Variants in CCDC178 observed in about 807,000 individuals in gnomAD.
CCDC178 encodes the protein coiled-coil domain-containing protein 178.
CCDC178 carries 126 observed loss-of-function variants against 117.4 expected under a neutral mutation model. That is an observed-to-expected ratio of 1.07 (90% confidence interval 0.93 to 1.24). The LOEUF is 1.24. Ranked by LOEUF, CCDC178 falls within the 50% of genes most tolerant of loss-of-function variation. The pLI, the probability that CCDC178 is intolerant of heterozygous loss-of-function variation, is 0.00. For missense variants in CCDC178, 1,030 were observed against 986.9 expected (o/e 1.04, Z -0.59); for synonymous variants, 283 against 313.4 (o/e 0.90, Z 1.02).
At chr18:33,438,735 T>C (rs2064329632) in intron 2 of CCDC178, among the ~76,000 whole-genome samples, 1 of 152,134 alleles carries the variant, frequency 6.6e-6, no homozygotes, top group Non-Finnish European at 1.5e-5. Flanking sequence ...TCAATACAAA[T>C]TCTTCGTCTA....
intron 21 of CCDC178, among the ~76,000 whole-genome samples, chr18:33,075,574 T>G (rs2057191026): frequency 6.6e-6 from 1 of 152,162 alleles, no homozygotes; most frequent in Non-Finnish European, 1.5e-5. Context: ...AAATAAAAAT[T>G]TTTAAACAAG....
At chr18:33,275,981 A>C (rs1483448957) in intron 12 of CCDC178, among the ~76,000 whole-genome samples, 1 of 151,822 alleles carries the variant, frequency 6.6e-6, no homozygotes, top group Non-Finnish European at 1.5e-5. Flanking sequence ...AAGATTACTA[A>C]ATGTAAACTG....
chr18:33,185,112 G>GC (rs1453558698), intron 20 of CCDC178, among the ~76,000 whole-genome samples: 5 of 151,850 alleles, frequency 3.3e-5, no homozygotes, highest in African/African-American at 1.2e-4. Context: ...TGACTCCTTA[G>GC]CCCCCTCTTC....
At chr18:33,016,341 C>A (rs1234154311) in intron 21 of CCDC178, among the ~76,000 whole-genome samples, 1 of 151,644 alleles carries the variant, frequency 6.6e-6, no homozygotes. Context: ...AAAAACAAAA[C>A]AGATTTTGTT....
intron 20 of CCDC178, among the ~76,000 whole-genome samples, chr18:33,175,459 A>G (rs2058653910): frequency 6.6e-6 from 1 of 151,946 alleles, no homozygotes; most frequent in Non-Finnish European, 1.5e-5. Flanking sequence ...CTCCCGCCTC[A>G]GCCTCCCAGT....
intron 12 of CCDC178, among the ~76,000 whole-genome samples, chr18:33,279,118 G>A (rs2059989861): frequency 6.6e-6 from 1 of 152,092 alleles, no homozygotes; most frequent in South Asian, 2.1e-4. Context: ...AATGAGGCAG[G>A]AGAAGGAAAT....
At chr18:33,373,799 C>T (rs959511263) in intron 5 of CCDC178, among the ~76,000 whole-genome samples, 1 of 152,070 alleles carries the variant, frequency 6.6e-6, no homozygotes, top group Non-Finnish European at 1.5e-5. Flanking sequence ...AAACTTTTTA[C>T]CTGGCTGTAA....
At chr18:33,023,793 A>G (rs538604947) in intron 21 of CCDC178, among the ~76,000 whole-genome samples, 2 of 152,292 alleles carry the variant, frequency 1.3e-5, no homozygotes, top group Admixed American at 6.5e-5. Context: ...ATATATCTCT[A>G]TCTTCAATAT....
At chr18:33,435,235 A>C (rs1040212883) in intron 2 of CCDC178, among the ~76,000 whole-genome samples, 2 of 152,156 alleles carry the variant, frequency 1.3e-5, no homozygotes, top group Admixed American at 1.3e-4. Context: ...TGTCATAGCC[A>C]CTAGCCATAT....
At chr18:33,291,566 A>T (rs2060166074) in intron 12 of CCDC178, among the ~76,000 whole-genome samples, 1 of 152,324 alleles carries the variant, frequency 6.6e-6, no homozygotes. Context: ...GCAAATTGGC[A>T]TAATAATTTA....
chr18:33,063,103 C>T (rs1321386967), intron 21 of CCDC178, among the ~76,000 whole-genome samples: 1 of 152,160 alleles, frequency 6.6e-6, no homozygotes, highest in Non-Finnish European at 1.5e-5. Flanking sequence ...GAAACCAGCC[C>T]ACCAGCCAGG....
intron 18 of CCDC178, among the ~76,000 whole-genome samples, chr18:33,215,941 T>C (rs938386639): frequency 6.6e-6 from 1 of 151,830 alleles, no homozygotes; most frequent in African/African-American, 2.4e-5. Flanking sequence ...TACCCAAAAT[T>C]TTTTTAAATA....
chr18:33,066,268 A>C (rs1346745468), intron 21 of CCDC178, among the ~76,000 whole-genome samples: 1 of 152,188 alleles, frequency 6.6e-6, no homozygotes, highest in Non-Finnish European at 1.5e-5. Context: ...GGAATCCTAC[A>C]TCTGAAAGTA....
At chr18:33,410,984 G>C (rs2063843076) in intron 3 of CCDC178, among the ~76,000 whole-genome samples, 1 of 152,196 alleles carries the variant, frequency 6.6e-6, no homozygotes, top group Non-Finnish European at 1.5e-5. Context: ...CAAGACCCTA[G>C]ACCTGTAAAC....
At chr18:33,137,492 C>A (rs1430102364) in intron 20 of CCDC178, among the ~76,000 whole-genome samples, 1 of 152,022 alleles carries the variant, frequency 6.6e-6, no homozygotes, top group Admixed American at 6.6e-5. Context: ...TGAAGAGAAC[C>A]TAGTCTGAGC....
At chr18:33,036,746 T>C (rs2056452886) in intron 21 of CCDC178, among the ~76,000 whole-genome samples, 1 of 151,952 alleles carries the variant, frequency 6.6e-6, no homozygotes, top group Non-Finnish European at 1.5e-5. Context: ...TGGGAAAGTT[T>C]GGATTTTGAA....
intron 21 of CCDC178, among the ~76,000 whole-genome samples, chr18:33,012,203 C>A (rs913161180): frequency 7.2e-5 from 11 of 152,130 alleles, no homozygotes; most frequent in South Asian, 2.1e-4. Flanking sequence ...GTTATTTCTG[C>A]AAAACATTAT....
intron 20 of CCDC178, among the ~76,000 whole-genome samples, chr18:33,093,117 G>GT (rs202019441): frequency 5.9e-4 from 89 of 151,064 alleles, no homozygotes; most frequent in African/African-American, 1.8e-3. Flanking sequence ...TTTGATGCAG[G>GT]TTTTTTTTTA....
intron 12 of CCDC178, among the ~76,000 whole-genome samples, chr18:33,282,877 G>A (rs1259314579): frequency 6.6e-6 from 1 of 152,196 alleles, no homozygotes; most frequent in East Asian, 1.9e-4. Flanking sequence ...AGGGGATCCT[G>A]CCACACCCTG....
Sources: allele counts gnomAD v4.1 joint callset (sites outside exome capture counted in the v4.1 genomes callset), GRCh38; gene constraint gnomAD v4.1.1; transcripts MANE v1.5; gene names NCBI Gene and HGNC (gene_info 2026-07-23, HGNC 2026-07-21).